Variants in ATOSA observed in about 807,000 individuals in gnomAD.
The protein encoded by ATOSA is atos homolog A.
chr15:52,663,448 T>C, the ATOSA span, among the ~76,000 whole-genome samples: 1 of 152,132 alleles, frequency 6.6e-6, no homozygotes, highest in Non-Finnish European at 1.5e-5. Context: ...ATCTCAGAGG[T>C]CATACCACAG....
the ATOSA span, among the ~76,000 whole-genome samples, chr15:52,670,143 A>AT: frequency 6.6e-6 from 1 of 152,318 alleles, no homozygotes; most frequent in East Asian, 1.9e-4. Flanking sequence ...ATGTTATTGT[A>AT]TATTTCAGAA....
the ATOSA span, chr15:52,609,757 G>A: frequency 1.9e-6 from 3 of 1,613,606 alleles, no homozygotes; most frequent in Non-Finnish European, 2.5e-6. Flanking sequence ...TGAAGTGCTT[G>A]GATCACAATG....
the ATOSA span, among the ~76,000 whole-genome samples, chr15:52,592,799 T>C: frequency 6.6e-6 from 1 of 152,196 alleles, no homozygotes; most frequent in Non-Finnish European, 1.5e-5. Flanking sequence ...CTCTTAGTTA[T>C]TTCACTCTCC....
the ATOSA span, among the ~76,000 whole-genome samples, chr15:52,601,496 T>C: frequency 6.6e-6 from 1 of 151,412 alleles, no homozygotes; most frequent in African/African-American, 2.4e-5. Context: ...CTCTATTTTT[T>C]TGGGAGGTGG....
the ATOSA span, among the ~76,000 whole-genome samples, chr15:52,585,770 C>T: frequency 6.6e-5 from 10 of 152,180 alleles, no homozygotes; most frequent in Non-Finnish European, 1.5e-4. Flanking sequence ...AGCTGCTGAT[C>T]TGACTTTAAC....
chr15:52,615,265 T>C, the ATOSA span, among the ~76,000 whole-genome samples: 1 of 152,354 alleles, frequency 6.6e-6, no homozygotes, highest in East Asian at 1.9e-4. Context: ...TTTAAATATT[T>C]CTCATGAGTG....
At chr15:52,704,209 A>G in the ATOSA span, among the ~76,000 whole-genome samples, 42 of 152,322 alleles carry the variant, frequency 2.8e-4, no homozygotes, top group African/African-American at 8.2e-4. Context: ...CCACACATCT[A>G]CAACTATCTG....
chr15:52,701,045 A>G, the ATOSA span, among the ~76,000 whole-genome samples: 5 of 152,226 alleles, frequency 3.3e-5, no homozygotes, highest in African/African-American at 1.2e-4. Context: ...GAAAAGGAAG[A>G]TTAGTTGAGG....
chr15:52,652,014 G>T, the ATOSA span: 1 of 1,519,546 alleles, frequency 6.6e-7, no homozygotes, highest in Non-Finnish European at 8.8e-7. Context: ...GTTCAGCGTT[G>T]GGTGCTGATC....
At chr15:52,585,373 C>T in the ATOSA span, 6 of 154,504 alleles carry the variant, frequency 3.9e-5, no homozygotes, top group East Asian at 1.1e-3. Context: ...ATTTTTCTCA[C>T]ATTTTAATAG....
At chr15:52,593,582 T>C in the ATOSA span, 1 of 1,563,662 alleles carries the variant, frequency 6.4e-7, no homozygotes, top group Non-Finnish European at 8.7e-7. Context: ...ACTTGCCATA[T>C]AAGGAGAGGG....
At chr15:52,668,373 C>T in the ATOSA span, among the ~76,000 whole-genome samples, 3 of 151,962 alleles carry the variant, frequency 2.0e-5, no homozygotes, top group Admixed American at 6.5e-5. Flanking sequence ...ATAGAAGTAG[C>T]GAGTAGAACA....
At chr15:52,609,878 T>C in the ATOSA span, 1 of 1,613,378 alleles carries the variant, frequency 6.2e-7, no homozygotes, top group Non-Finnish European at 8.5e-7. Flanking sequence ...CGGTTAGAGA[T>C]ACTGGAATCA....
the ATOSA span, chr15:52,656,086 GA>G: frequency 6.6e-6 from 1 of 151,936 alleles, no homozygotes; most frequent in Non-Finnish European, 1.5e-5. Flanking sequence ...ATAACAATGG[GA>G]ATGAGACAAC....
the ATOSA span, among the ~76,000 whole-genome samples, chr15:52,662,757 A>G: frequency 5.4e-5 from 8 of 147,080 alleles, no homozygotes; most frequent in East Asian, 8.4e-4. Flanking sequence ...GCGACAGAGC[A>G]AGACTCCGTC....
the ATOSA span, among the ~76,000 whole-genome samples, chr15:52,590,290 T>C: frequency 1.3e-5 from 2 of 152,178 alleles, no homozygotes; most frequent in Non-Finnish European, 2.9e-5. Flanking sequence ...TTATTAGAAA[T>C]TTGCCACTGG....
At chr15:52,668,616 G>T in the ATOSA span, among the ~76,000 whole-genome samples, 1 of 152,140 alleles carries the variant, frequency 6.6e-6, no homozygotes, top group East Asian at 1.9e-4. Context: ...TAAATACCCT[G>T]ATTTAATTAT....
At chr15:52,623,307 T>C in the ATOSA span, among the ~76,000 whole-genome samples, 1 of 152,054 alleles carries the variant, frequency 6.6e-6, no homozygotes, top group African/African-American at 2.4e-5. Context: ...AAAATGTACA[T>C]TTAAAAATGA....
chr15:52,584,062 T>A, the ATOSA span, among the ~76,000 whole-genome samples: 1 of 127,740 alleles, frequency 7.8e-6, no homozygotes, highest in East Asian at 2.2e-4. Context: ...CTCCTCCTGA[T>A]GAACAGAGTG....
Sources: allele counts gnomAD v4.1 joint callset (sites outside exome capture counted in the v4.1 genomes callset), GRCh38; gene constraint gnomAD v4.1.1; transcripts MANE v1.5; gene names NCBI Gene and HGNC (gene_info 2026-07-23, HGNC 2026-07-21).